Variants in USP25 observed in about 807,000 individuals in gnomAD.
The protein encoded by USP25 is ubiquitin carboxyl-terminal hydrolase 25.
A neutral mutation model predicts 158.5 loss-of-function variants in USP25; 85 were observed. The ratio of observed to expected loss-of-function variants is 0.54; its 90% CI spans 0.45 to 0.64. USP25 has a LOEUF of 0.64. USP25 is among the 30% of genes least tolerant of loss of function. USP25 has a pLI of 0.00. For missense variants in USP25, 1,242 were observed against 1,327.3 expected, an observed-to-expected ratio of 0.94 and a Z score of 1.00; for synonymous variants, 464 against 460.4, an observed-to-expected ratio of 1.01 and a Z score of -0.10.
intron 1 of USP25, among the ~76,000 whole-genome samples, chr21:15,738,707 T>C (rs1400011843): frequency 6.6e-6 from 1 of 152,168 alleles, no homozygotes; most frequent in Non-Finnish European, 1.5e-5. Context: ...TATTGTCTTA[T>C]GCCCAATTTC....
chr21:15,750,954 A>C (rs73181998), intron 1 of USP25, among the ~76,000 whole-genome samples: 6,718 of 152,248 alleles, frequency 0.044, 207 homozygotes, highest in South Asian at 0.081. Flanking sequence ...TATATTATTA[A>C]TACACTGTTA....
intron 5 of USP25, chr21:15,799,555 G>A (rs2036028960): frequency 5.1e-6 from 2 of 388,556 alleles, no homozygotes; most frequent in East Asian, 3.7e-5. Flanking sequence ...ATAATCTTGT[G>A]CACTATCAAG....
At chr21:15,810,548 A>T (rs1026417888) in intron 8 of USP25, among the ~76,000 whole-genome samples, 6 of 152,210 alleles carry the variant, frequency 3.9e-5, no homozygotes, top group Admixed American at 3.3e-4. Context: ...GTATTAAATG[A>T]CTTGGAAAAT....
chr21:15,772,852 G>A (rs1200637793), intron 3 of USP25, among the ~76,000 whole-genome samples: 4 of 152,032 alleles, frequency 2.6e-5, no homozygotes, highest in Non-Finnish European at 5.9e-5. Flanking sequence ...TGATATGTGA[G>A]GCATCTTTCA....
At chr21:15,735,512 A>T (rs2031405131) in intron 1 of USP25, among the ~76,000 whole-genome samples, 1 of 152,204 alleles carries the variant, frequency 6.6e-6, no homozygotes. Context: ...TGACATTCGC[A>T]GATTTTGGCC....
At chr21:15,850,748 A>G (rs917817349) in intron 20 of USP25, among the ~76,000 whole-genome samples, 2 of 151,936 alleles carry the variant, frequency 1.3e-5, no homozygotes, top group Admixed American at 6.6e-5. Flanking sequence ...TGTTTCTTTC[A>G]GTATACAGTA....
chr21:15,780,298 AT>A, intron 4 of USP25, among the ~76,000 whole-genome samples: 2 of 152,314 alleles, frequency 1.3e-5, no homozygotes, highest in Admixed American at 1.3e-4. Flanking sequence ...TTAGGCATTT[AT>A]ACGTTTCATG....
intron 4 of USP25, among the ~76,000 whole-genome samples, chr21:15,778,279 T>A (rs1180066707): frequency 6.6e-6 from 1 of 152,138 alleles, no homozygotes; most frequent in East Asian, 1.9e-4. Flanking sequence ...AATATTTCTT[T>A]CATTTTTTTT....
chr21:15,762,755 T>C, intron 1 of USP25, 136 bp from the exon 2 acceptor site: 1 of 694,472 alleles, frequency 1.4e-6, no homozygotes, highest in Non-Finnish European at 2.4e-6. Context: ...TTTCTCAAGT[T>C]CTTTTTCCTT....
chr21:15,767,936 G>A (rs536695468), intron 3 of USP25, among the ~76,000 whole-genome samples: 5 of 152,068 alleles, frequency 3.3e-5, no homozygotes, highest in Admixed American at 6.6e-5. Flanking sequence ...TACGATTTTA[G>A]ATAGGGAATA....
intron 10 of USP25, among the ~76,000 whole-genome samples, chr21:15,822,251 T>G (rs989617002): frequency 2.6e-5 from 4 of 151,998 alleles, no homozygotes; most frequent in African/African-American, 9.6e-5. Context: ...AACATGAATT[T>G]ACAGAATGTC....
chr21:15,816,681 A>C lies in USP25; in HGVS notation c.932-2017A>C, dbSNP rs561982762. 1.3e-5 allele frequency among the ~76,000 whole-genome samples: 2 copies of C among 152,160 alleles called. No homozygotes were observed. Among genetic ancestry groups the C allele is most frequent in the East Asian group, 3.9e-4 (2 of 5,180 alleles). On this transcript the variant is annotated intron_variant, in intron 9 of 25. Transcript: ENST00000400183. The surrounding 1 kb of genome is among the most constrained non-coding windows in gnomAD (Gnocchi z 4.0). ...CTGCTGTCAATAAGCCAGCAATTCT[A>C]TCTTTATTCCAGAATGTTAATCTTA...
intron 11 of USP25, 136 bp downstream of exon 11, chr21:15,824,302 A>T (rs188191726): frequency 1.0e-6 from 1 of 986,602 alleles, no homozygotes; most frequent in East Asian, 2.9e-5. Flanking sequence ...CCATTTGTCA[A>T]GGTAGATGAA....
chr21:15,835,807 G>T (rs1393376547), intron 17 of USP25, among the ~76,000 whole-genome samples: 1 of 152,124 alleles, frequency 6.6e-6, no homozygotes, highest in Non-Finnish European at 1.5e-5. Flanking sequence ...AGTAGAAGTA[G>T]AACATGCCAA....
chr21:15,815,556 A>G (rs965296449), intron 9 of USP25, among the ~76,000 whole-genome samples: 1 of 152,190 alleles, frequency 6.6e-6, no homozygotes, highest in African/African-American at 2.4e-5. Context: ...CTCTTGCATC[A>G]GTGTGACCTG....
At chr21:15,861,375 C>A (rs180898387) in intron 20 of USP25, among the ~76,000 whole-genome samples, 4 of 152,268 alleles carry the variant, frequency 2.6e-5, no homozygotes, top group African/African-American at 9.6e-5. Flanking sequence ...AATAGCAGTT[C>A]TGTCATCTAA....
chr21:15,768,304 C>A (rs956639448), intron 3 of USP25, among the ~76,000 whole-genome samples: 2 of 151,988 alleles, frequency 1.3e-5, no homozygotes, highest in Admixed American at 1.3e-4. Flanking sequence ...TGACAGCAAA[C>A]AGTTGTAGGA....
chr21:15,781,606 A>C (rs990486277), intron 4 of USP25, among the ~76,000 whole-genome samples: 4 of 152,136 alleles, frequency 2.6e-5, no homozygotes, highest in Non-Finnish European at 5.9e-5. Context: ...AGAACAGCAA[A>C]GTCCCTGTGG....
intron 1 of USP25, among the ~76,000 whole-genome samples, chr21:15,760,708 A>T (rs192198909): frequency 6.6e-6 from 1 of 152,194 alleles, no homozygotes; most frequent in Non-Finnish European, 1.5e-5. Flanking sequence ...TTTTATTTTG[A>T]AATTTCAAAT....
Sources: allele counts gnomAD v4.1 joint callset (sites outside exome capture counted in the v4.1 genomes callset), GRCh38; gene constraint gnomAD v4.1.1; non-coding constraint Gnocchi (gnomAD v3.1); transcripts MANE v1.5; gene names NCBI Gene and HGNC (gene_info 2026-07-23, HGNC 2026-07-21).